The following DENND1A variants were observed in gnomAD, a reference collection of about 807,000 sequenced individuals.
DENND1A encodes the protein DENN domain-containing protein 1A.
In DENND1A, 51 loss-of-function variants were observed where a neutral mutation model predicts 113.7. That is an observed-to-expected ratio of 0.45 (90% CI 0.36 to 0.57). The LOEUF (loss-of-function observed/expected upper bound fraction) is 0.57, where lower values mean the gene tolerates loss of function less well. Among genes scored for constraint, DENND1A ranks in the 20% least tolerant of loss-of-function variants. The probability of loss-of-function intolerance (pLI) is 0.00; values close to 1 mark genes in which losing one functional copy is unlikely to be tolerated. For missense variants in DENND1A, 1,258 were observed against 1,395.9 expected (o/e 0.90, Z 1.57); for synonymous variants, 565 against 570.8 (o/e 0.99, Z 0.14).
intron 5 of DENND1A, among the ~76,000 whole-genome samples, chr9:123,690,657 C>CA (rs2065133418): frequency 6.6e-6 from 1 of 151,996 alleles, no homozygotes; most frequent in African/African-American, 2.4e-5. Context: ...TAACTGTTAA[C>CA]AAAATATCCC....
chr9:123,599,475 A>T (rs536894467), intron 11 of DENND1A, among the ~76,000 whole-genome samples: 4 of 152,328 alleles, frequency 2.6e-5, no homozygotes, highest in African/African-American at 9.6e-5. Flanking sequence ...TTTATTCATA[A>T]TAATAGCTAC....
intron 5 of DENND1A, among the ~76,000 whole-genome samples, chr9:123,693,778 T>A (rs1009162199): frequency 1.3e-5 from 2 of 149,832 alleles, no homozygotes; most frequent in African/African-American, 4.9e-5. Context: ...ATTAAAACAG[T>A]ATATCATCCA....
At chr9:123,651,158 T>C (rs939321365) in intron 9 of DENND1A, among the ~76,000 whole-genome samples, 1 of 151,916 alleles carries the variant, frequency 6.6e-6, no homozygotes, top group African/African-American at 2.4e-5. Context: ...AAAATATTTA[T>C]ATTATACACA....
intron 13 of DENND1A, among the ~76,000 whole-genome samples, chr9:123,476,869 G>A (rs1442109891): frequency 1.3e-5 from 2 of 152,206 alleles, no homozygotes; most frequent in African/African-American, 2.4e-5. Flanking sequence ...TTTAAACCGA[G>A]GTGGTCATGC....
chr9:123,773,751 C>T (rs1590029261), intron 3 of DENND1A, among the ~76,000 whole-genome samples: 1 of 152,102 alleles, frequency 6.6e-6, no homozygotes, highest in Admixed American at 6.6e-5. Flanking sequence ...GACATACACA[C>T]CCCATAAATA....
chr9:123,724,855 A>G (rs1046484809), intron 5 of DENND1A, among the ~76,000 whole-genome samples: 6 of 152,264 alleles, frequency 3.9e-5, no homozygotes, highest in African/African-American at 1.4e-4. Flanking sequence ...AGCTGATAAA[A>G]AAATTTTCCA....
intron 2 of DENND1A, among the ~76,000 whole-genome samples, chr9:123,871,773 G>A (rs1312858659): frequency 6.8e-6 from 1 of 147,624 alleles, no homozygotes; most frequent in East Asian, 2.1e-4. Context: ...CTAATGCACT[G>A]AAAATGCTGG....
chr9:123,579,114 T>C (rs1422432139), intron 12 of DENND1A, among the ~76,000 whole-genome samples: 3 of 152,186 alleles, frequency 2.0e-5, no homozygotes, highest in Admixed American at 1.3e-4. Flanking sequence ...GAGGGCTGAA[T>C]GCCCTGCGGA....
At chr9:123,880,930 T>A in intron 1 of DENND1A, among the ~76,000 whole-genome samples, 1 of 152,204 alleles carries the variant, frequency 6.6e-6, no homozygotes, top group South Asian at 2.1e-4. Context: ...CATTTTACAC[T>A]CACTAAAAAA....
At chr9:123,724,892 C>T (rs542661693) in intron 5 of DENND1A, among the ~76,000 whole-genome samples, 10 of 152,294 alleles carry the variant, frequency 6.6e-5, no homozygotes, top group African/African-American at 1.9e-4. Flanking sequence ...CTAATTTTGA[C>T]AAATATTCTA....
At chr9:123,440,066 G>A in intron 19 of DENND1A, 1 of 234,884 alleles carries the variant, frequency 4.3e-6, no homozygotes, top group East Asian at 1.2e-4. Context: ...TTAGCTAACA[G>A]AGGCACCTTA....
At chr9:123,545,333 A>T (rs1455294468) in intron 13 of DENND1A, among the ~76,000 whole-genome samples, 1 of 152,108 alleles carries the variant, frequency 6.6e-6, no homozygotes, top group Non-Finnish European at 1.5e-5. Context: ...TATATCCAAG[A>T]ACTGAGGGTG....
intron 13 of DENND1A, among the ~76,000 whole-genome samples, chr9:123,549,293 CAT>C (rs1320810298): frequency 2.6e-5 from 4 of 152,236 alleles, no homozygotes; most frequent in Admixed American, 2.6e-4. Flanking sequence ...CTGTACTGTA[CAT>C]AGTGTCTTAA....
At chr9:123,889,010 TTTAAGTTCTTTAC>T (rs1849524825) in intron 1 of DENND1A, among the ~76,000 whole-genome samples, 1 of 132,438 alleles carries the variant, frequency 7.6e-6, no homozygotes, top group South Asian at 2.2e-4. Flanking sequence ...GTGTGTGTAT[TTTAAGTTCTTTAC>T]ACTGTACTGC....
chr9:123,468,448 G>A (rs942459658), intron 13 of DENND1A, among the ~76,000 whole-genome samples: 3 of 152,198 alleles, frequency 2.0e-5, no homozygotes, highest in Admixed American at 2.0e-4. Flanking sequence ...CACAGAGCCT[G>A]GACCCACTTG....
chr9:123,813,355 T>C (rs141678911), intron 2 of DENND1A, among the ~76,000 whole-genome samples: 42 of 152,340 alleles, frequency 2.8e-4, no homozygotes, highest in African/African-American at 9.9e-4. Flanking sequence ...CTTTTTAATG[T>C]ACATCTTTAA....
chr9:123,868,640 T>C (rs1002554752), intron 2 of DENND1A, among the ~76,000 whole-genome samples: 5 of 152,184 alleles, frequency 3.3e-5, no homozygotes, highest in East Asian at 1.9e-4. Context: ...CGGTCCACCA[T>C]AGAAGGCCTG....
At chr9:123,814,736 C>A (rs1298587852) in intron 2 of DENND1A, among the ~76,000 whole-genome samples, 1 of 152,182 alleles carries the variant, frequency 6.6e-6, no homozygotes, top group African/African-American at 2.4e-5. Flanking sequence ...ACATTACTCT[C>A]CAATTCACAC....
chr9:123,517,888 G>A (rs1423523013), intron 13 of DENND1A, among the ~76,000 whole-genome samples: 3 of 152,146 alleles, frequency 2.0e-5, no homozygotes, highest in African/African-American at 4.8e-5. Flanking sequence ...AATGCGGAAC[G>A]CCTCTGGGTG....
Sources: gnomAD v4.1 joint callset for allele counts (sites outside exome capture counted in the v4.1 genomes callset) on GRCh38, gnomAD v4.1.1 for gene constraint, MANE v1.5 for transcripts, NCBI Gene and HGNC (gene_info 2026-07-23, HGNC 2026-07-21) for gene names.